OSBPL9: variants seen among roughly 807,000 people sequenced by gnomAD.
The protein encoded by OSBPL9 is oxysterol-binding protein-related protein 9.
In OSBPL9, 40 loss-of-function variants were observed where a neutral mutation model predicts 106.6. That is an observed-to-expected ratio of 0.38 (90% confidence interval 0.29 to 0.49). The LOEUF is 0.49. Among genes scored for constraint, OSBPL9 ranks in the 20% least tolerant of loss-of-function variants. The pLI, the probability that OSBPL9 is intolerant of heterozygous loss-of-function variation, is 0.97. For missense variants in OSBPL9, 609 were observed against 887.2 expected (o/e 0.69, Z 3.98); for synonymous variants, 269 against 295.4 (o/e 0.91, Z 0.92).
At chr1:51,615,903 T>C (rs1468369719), upstream of OSBPL9, among the ~76,000 whole-genome samples, 2 of 152,168 alleles carry the variant, frequency 1.3e-5, no homozygotes, top group African/African-American at 4.8e-5. Flanking sequence ...TAGTGTTTGC[T>C]TTCACCACAG....
At chr1:51,646,544 T>C (rs948622403) in intron 1 of OSBPL9, among the ~76,000 whole-genome samples, 1 of 152,164 alleles carries the variant, frequency 6.6e-6, no homozygotes, top group African/African-American at 2.4e-5. Context: ...TTCTTTGTTG[T>C]TGTTGTTTTT....
chr1:51,747,515 A>G (rs1452760093), intron 6 of OSBPL9, among the ~76,000 whole-genome samples: 1 of 55,374 alleles, frequency 1.8e-5, no homozygotes, highest in Non-Finnish European at 3.9e-5. Context: ...TAGTTTGCAT[A>G]TTGTCTTTTT....
At position 51,768,142 on chromosome 1, in the gene OSBPL9, C is replaced by T. The variant is rs541423700; in HGVS notation, c.938+2161C>T. On this transcript the variant is annotated intron_variant, in intron 12 of 23. Coordinates refer to ENST00000428468, the MANE Select transcript of OSBPL9 (RefSeq NM_024586.6). ...ATTTTTAGTAGAGACGGGGTTTCAC[C>T]GTGTTAGCCAGGATGGTCTCGATCT... is the stretch of plus-strand genomic sequence containing the variant. Among the ~76,000 whole-genome samples, 14 of 151,960 alleles carry T rather than the reference C, an allele frequency of 9.2e-5. No individual in the cohort carries two copies. In the South Asian group the frequency reaches 1.2e-3, roughly 14 times the overall value.
chr1:51,583,168 G>A (rs1045874848), intron 1 of OSBPL9, among the ~76,000 whole-genome samples: 3 of 152,070 alleles, frequency 2.0e-5, no homozygotes, highest in African/African-American at 7.2e-5. Flanking sequence ...ACGTAGTAGG[G>A]TGTTATTTAA....
intron 1 of OSBPL9, among the ~76,000 whole-genome samples, chr1:51,645,088 T>C (rs1336928714): frequency 6.6e-6 from 1 of 152,224 alleles, no homozygotes; most frequent in East Asian, 1.9e-4. Flanking sequence ...CCCTCTGCTC[T>C]GCGATAAATA....
intron 1 of OSBPL9, among the ~76,000 whole-genome samples, chr1:51,624,902 C>T (rs1644680972): frequency 6.6e-6 from 1 of 152,192 alleles, no homozygotes; most frequent in South Asian, 2.1e-4. Flanking sequence ...TCATAATAAT[C>T]TTCAAGCCTG....
chr1:51,599,271 A>G (rs1339682082), intron 2 of OSBPL9, among the ~76,000 whole-genome samples: 2 of 152,206 alleles, frequency 1.3e-5, no homozygotes, highest in Non-Finnish European at 2.9e-5. Context: ...TATGTTCATA[A>G]TGTGTTAGCC....
At chr1:51,727,086 G>T (rs1350697365) in intron 4 of OSBPL9, among the ~76,000 whole-genome samples, 1 of 148,220 alleles carries the variant, frequency 6.7e-6, no homozygotes. Context: ...TTTGTCCCTT[G>T]TAGGGTCAAA....
the OSBPL9 span, among the ~76,000 whole-genome samples, chr1:51,523,475 C>CT: frequency 3.6e-4 from 53 of 148,870 alleles, no homozygotes; most frequent in African/African-American, 3.9e-4. Flanking sequence ...TATTTTTAAT[C>CT]TTTTTTTTTT....
At chr1:51,610,771 TCAGATTGCCTGCTGCTGCTAAG>T (rs1241543209) in intron 2 of OSBPL9, among the ~76,000 whole-genome samples, 1 of 152,232 alleles carries the variant, frequency 6.6e-6, no homozygotes, top group Non-Finnish European at 1.5e-5. Flanking sequence ...ACCCTTTTAT[TCAGATTGCCTGCTGCTGCTAAG>T]CAGATTGCCT....
In OSBPL9 at chr1:51,740,306, TA is replaced by T. The variant is rs1666623070; in HGVS notation, c.319-5227del. 17 of 1,321,842 alleles carry T rather than the reference TA, an allele frequency of 1.3e-5. No homozygotes were observed. In the East Asian group the frequency reaches 4.7e-4, roughly 36 times the overall value. 81.9% of individuals were successfully genotyped at this position (1,321,842 alleles called of 1,614,324 possible). On this transcript the variant is annotated intron_variant, in intron 4 of 23. Coordinates refer to ENST00000428468, the MANE Select transcript of OSBPL9 (RefSeq NM_024586.6). ...CATCTCAAATTGCTAATTGTGAACA[TA>T]AACTTTCCAATATTCTCATATTTTA...
chr1:51,665,832 A>G (rs1400783425), intron 2 of OSBPL9, among the ~76,000 whole-genome samples: 2 of 152,126 alleles, frequency 1.3e-5, no homozygotes, highest in African/African-American at 2.4e-5. Context: ...TGCAGCAGCA[A>G]CAGGTGCTCC....
intron 3 of OSBPL9, among the ~76,000 whole-genome samples, chr1:51,705,778 T>C (rs550736842): frequency 6.6e-6 from 1 of 152,308 alleles, no homozygotes; most frequent in Non-Finnish European, 1.5e-5. Context: ...TATTTTTGTA[T>C]TGTTAGATGT....
intron 2 of OSBPL9, among the ~76,000 whole-genome samples, chr1:51,666,854 T>C (rs756713142): frequency 3.9e-5 from 6 of 152,234 alleles, no homozygotes; most frequent in Admixed American, 6.5e-5. Flanking sequence ...GTTTTAAACA[T>C]GTGAGTCTCT....
chr1:51,780,032 C>G (rs538868645), intron 15 of OSBPL9, among the ~76,000 whole-genome samples: 5 of 150,524 alleles, frequency 3.3e-5, no homozygotes, highest in Admixed American at 6.6e-5. Flanking sequence ...GAGCCAAGAT[C>G]GCGCCACTGC....
intron 2 of OSBPL9, among the ~76,000 whole-genome samples, chr1:51,604,523 T>A (rs1392342608): frequency 6.6e-6 from 1 of 150,724 alleles, no homozygotes; most frequent in Non-Finnish European, 1.5e-5. Flanking sequence ...ACCATTATAC[T>A]CCCGCCTGGG....
upstream of OSBPL9, among the ~76,000 whole-genome samples, chr1:51,572,284 C>T (rs926838630): frequency 2.0e-5 from 3 of 152,122 alleles, no homozygotes; most frequent in African/African-American, 7.2e-5. Flanking sequence ...AAACCCAATC[C>T]TGCAGAACTT....
At chr1:51,575,957 C>T (rs1645181360), upstream of OSBPL9, among the ~76,000 whole-genome samples, 1 of 152,214 alleles carries the variant, frequency 6.6e-6, no homozygotes, top group South Asian at 2.1e-4. Flanking sequence ...ACCTAATTAT[C>T]CTGGCCCAAG....
intron 2 of OSBPL9, among the ~76,000 whole-genome samples, chr1:51,661,741 A>AT (rs2148733560): frequency 6.6e-6 from 1 of 152,344 alleles, no homozygotes; most frequent in South Asian, 2.1e-4. Context: ...TCATATATAG[A>AT]TTATCAAAGG....
Sources: gnomAD v4.1 joint callset for allele counts (sites outside exome capture counted in the v4.1 genomes callset) on GRCh38, gnomAD v4.1.1 for gene constraint, MANE v1.5 for transcripts, NCBI Gene and HGNC (gene_info 2026-07-23, HGNC 2026-07-21) for gene names.